ADAM12: variants seen among roughly 807,000 people sequenced by gnomAD.
ADAM12 encodes the protein disintegrin and metalloproteinase domain-containing protein 12.
A neutral mutation model predicts 106.4 loss-of-function variants in ADAM12; 70 were observed. That is an observed-to-expected ratio of 0.66 (90% CI 0.54 to 0.80). The LOEUF (loss-of-function observed/expected upper bound fraction) is 0.80, where lower values mean the gene tolerates loss of function less well. ADAM12 is among the 30% of genes least tolerant of loss of function. The pLI is 0.00. For missense variants in ADAM12, 1,010 were observed against 1,171.9 expected, an observed-to-expected ratio of 0.86 and a Z score of 2.02; for synonymous variants, 420 against 433.5, an observed-to-expected ratio of 0.97 and a Z score of 0.39.
At chr10:126,074,466 A>G (rs1312740190) in intron 11 of ADAM12, among the ~76,000 whole-genome samples, 2 of 152,232 alleles carry the variant, frequency 1.3e-5, no homozygotes, top group Non-Finnish European at 2.9e-5. Flanking sequence ...GAAGGAGAAC[A>G]GTTTAAGTCC....
chr10:126,017,838 G>GAAATGTGC (rs1273584409), intron 22 of ADAM12, among the ~76,000 whole-genome samples: 1 of 152,202 alleles, frequency 6.6e-6, no homozygotes, highest in East Asian at 1.9e-4. Context: ...CCTAAAAAAT[G>GAAATGTGC]AAATGTGCAG....
At chr10:126,048,166 G>C (rs1954377160) in intron 16 of ADAM12, among the ~76,000 whole-genome samples, 1 of 152,092 alleles carries the variant, frequency 6.6e-6, no homozygotes, top group Non-Finnish European at 1.5e-5. Flanking sequence ...ATGAGGGAGA[G>C]GATCAGGAAG....
intron 3 of ADAM12, among the ~76,000 whole-genome samples, chr10:126,183,597 G>C (rs11244871): frequency 1.3e-5 from 2 of 152,094 alleles, no homozygotes; most frequent in South Asian, 4.1e-4. Flanking sequence ...TCAACATGTC[G>C]TCCGCACTTC....
chr10:126,254,178 T>C (rs1457457775), intron 3 of ADAM12, among the ~76,000 whole-genome samples: 3 of 152,174 alleles, frequency 2.0e-5, no homozygotes, highest in Admixed American at 6.5e-5. Flanking sequence ...GGTTTGTAGC[T>C]TGGGGTCTGC....
At chr10:126,109,669 G>T (rs1565064411) in intron 7 of ADAM12, 106 bp downstream of exon 7, 3 of 921,092 alleles carry the variant, frequency 3.3e-6, no homozygotes, top group Non-Finnish European at 5.0e-6. Context: ...GCTTTTAAGA[G>T]CACATAGGAA....
chr10:126,277,050 T>C (rs535877011), intron 3 of ADAM12, among the ~76,000 whole-genome samples: 1 of 152,238 alleles, frequency 6.6e-6, no homozygotes, highest in South Asian at 2.1e-4. Context: ...TAGCAGGGTA[T>C]AAAATTGCAT....
intron 3 of ADAM12, among the ~76,000 whole-genome samples, chr10:126,251,927 A>AGAACGGATGGAGGGAGGGAT (rs1958782631): frequency 2.6e-5 from 1 of 38,274 alleles, no homozygotes; most frequent in Non-Finnish European, 7.1e-5. Context: ...TGGGATGGAT[A>AGAACGGATGGAGGGAGGGAT]GGATGGATGG....
rs771364902 is a variant in ADAM12, at chr10:126,049,473, A to G, written c.1719-22T>C. 6.2e-7 allele frequency: 1 copy of G among 1,614,100 alleles called. No homozygotes were observed. Among genetic ancestry groups the G allele is most frequent in the Non-Finnish European group, 8.5e-7 (1 of 1,179,944 alleles). ...ATCTCTGGAAGGGTAAGAACAAACA[A>G]TTCCCAAGGAGAAACCATTTGGAAC... On this transcript the variant is annotated intron_variant, in intron 15 of 22. Coordinates refer to ENST00000448723, the MANE Select transcript of ADAM12 (RefSeq NM_001288973.2). The surrounding 1 kb of genome is among the most constrained non-coding windows in gnomAD (Gnocchi z 4.4).
chr10:126,293,034 G>A (rs868031174), intron 2 of ADAM12, among the ~76,000 whole-genome samples: 3 of 152,108 alleles, frequency 2.0e-5, no homozygotes, highest in Non-Finnish European at 2.9e-5. Context: ...GCTGGTCTGG[G>A]GACCACATTG....
intron 3 of ADAM12, among the ~76,000 whole-genome samples, chr10:126,270,675 C>T (rs1169450982): frequency 2.0e-5 from 3 of 152,132 alleles, no homozygotes; most frequent in Non-Finnish European, 2.9e-5. Context: ...CAGGCATTGC[C>T]CCTTTTAACA....
At chr10:126,182,102 A>G (rs1344737031) in intron 3 of ADAM12, among the ~76,000 whole-genome samples, 1 of 152,208 alleles carries the variant, frequency 6.6e-6, no homozygotes, top group African/African-American at 2.4e-5. Context: ...GTAACCACTG[A>G]CGTATGGCAC....
intron 1 of ADAM12, among the ~76,000 whole-genome samples, chr10:126,382,691 C>G (rs902388907): frequency 3.3e-5 from 5 of 152,086 alleles, no homozygotes; most frequent in Admixed American, 6.6e-5. Context: ...TATTAAATAT[C>G]AACAGAGAGC....
At chr10:126,221,495 CAAT>C (rs766425402) in intron 3 of ADAM12, among the ~76,000 whole-genome samples, 71 of 151,736 alleles carry the variant, frequency 4.7e-4, no homozygotes, top group African/African-American at 8.2e-4. Flanking sequence ...GATAAACTAA[CAAT>C]TATTATTCTC....
intron 11 of ADAM12, among the ~76,000 whole-genome samples, chr10:126,078,476 T>C (rs1011464087): frequency 6.6e-6 from 1 of 152,124 alleles, no homozygotes; most frequent in African/African-American, 2.4e-5. Flanking sequence ...CAGAAACATA[T>C]CTTTTATGCC....
At chr10:126,214,263 C>T (rs761521017) in intron 3 of ADAM12, among the ~76,000 whole-genome samples, 4 of 152,168 alleles carry the variant, frequency 2.6e-5, no homozygotes, top group Admixed American at 6.5e-5. Flanking sequence ...CATCCTGGCT[C>T]GACCCTTCAT....
rs1283411779 is a variant in ADAM12, at chr10:126,036,495, CTTCAAAA to C, written c.2350-177_2350-171del. On this transcript the variant is annotated intron_variant, in intron 20 of 22. Coordinates refer to ENST00000448723, the MANE Select transcript of ADAM12 (RefSeq NM_001288973.2). ...GGAATTATTTTTGTATTTATTTAAA[CTTCAAAA>C]TTCAAACAGAAGCATCACCTGCCTC... 2.6e-5 allele frequency among the ~76,000 whole-genome samples: 4 copies of C among 152,140 alleles called. No individual in the cohort carries two copies. In the East Asian group the frequency reaches 7.7e-4, roughly 29 times the overall value.
Position 126,071,609 on chromosome 10 carries a change from C to T in ADAM12, c.1191G>A (p.Leu397=). ...MVFSSCSRKD[L]ETSLEKGMGV... is the part of the protein sequence containing the mutation. ...CCATTCCTTTCTCCAGGCTGGTCTC[C>T]AAGTCCTTCCTGCTGCAACTGCTGA... is the stretch of plus-strand genomic sequence containing the variant. Residue 397 remains leucine, a synonymous_variant, in exon 12 of 23, where the codon TTG becomes TTA. Transcript: ENST00000448723. The T allele has an allele frequency of 6.2e-7, 1 of 1,614,114 alleles. No individual in the cohort carries two copies. Among genetic ancestry groups the T allele is most frequent in the Non-Finnish European group, 8.5e-7 (1 of 1,180,010 alleles).
intron 4 of ADAM12, among the ~76,000 whole-genome samples, chr10:126,145,045 G>A (rs1420878783): frequency 6.6e-6 from 1 of 152,226 alleles, no homozygotes; most frequent in Non-Finnish European, 1.5e-5. Context: ...AAAACAGTGA[G>A]TTCCTCTGGG....
At chr10:126,234,076 C>G (rs2133632061) in intron 3 of ADAM12, among the ~76,000 whole-genome samples, 1 of 152,302 alleles carries the variant, frequency 6.6e-6, no homozygotes, top group South Asian at 2.1e-4. Context: ...TGAAAATACA[C>G]AGCAGGCGGA....
Sources: gnomAD v4.1 joint callset for allele counts (sites outside exome capture counted in the v4.1 genomes callset) on GRCh38, gnomAD v4.1.1 for gene constraint, Gnocchi (gnomAD v3.1) non-coding constraint, MANE v1.5 for transcripts, NCBI Gene and HGNC (gene_info 2026-07-23, HGNC 2026-07-21) for gene names.